Variants in NLGN4X observed in about 807,000 individuals in gnomAD.
NLGN4X encodes the protein neuroligin 4 X-linked.
In NLGN4X, 3 loss-of-function variants were observed where a neutral mutation model predicts 40.3. That is an observed-to-expected ratio of 0.07 (90% CI 0.03 to 0.19). The LOEUF is 0.19. Among genes scored for constraint, NLGN4X ranks in the 10% least tolerant of loss-of-function variants. The pLI, the probability that NLGN4X is intolerant of heterozygous loss-of-function variation, is 1.00. For synonymous variants in NLGN4X, 270 were observed against 306.8 expected (o/e 0.88, Z 1.25); for missense variants, 382 against 708.3 (o/e 0.54, Z 5.23).
chrX:6,181,880 G>A (rs752559392), intron 1 of NLGN4X, among the ~76,000 whole-genome samples: 3 of 112,042 alleles, frequency 2.7e-5, no homozygotes, highest in South Asian at 7.5e-4. Context: ...TGGTAGGGAA[G>A]TAAGGCATTG....
intron 1 of NLGN4X, among the ~76,000 whole-genome samples, chrX:6,206,987 T>C (rs1924090825): frequency 9.0e-6 from 1 of 111,083 alleles, no homozygotes; most frequent in Non-Finnish European, 1.9e-5. Context: ...CACTAAAATG[T>C]CAAGCCTGGA....
intron 2 of NLGN4X, among the ~76,000 whole-genome samples, chrX:6,050,723 CCTTT>C (rs1034674100): frequency 9.0e-6 from 1 of 111,146 alleles, no homozygotes; most frequent in Non-Finnish European, 1.9e-5. Flanking sequence ...CATCTATCTA[CCTTT>C]CTATCTATCC....
chrX:5,988,470 G>A (rs1324879895), intron 3 of NLGN4X, among the ~76,000 whole-genome samples: 1 of 111,976 alleles, frequency 8.9e-6, no homozygotes, highest in Admixed American at 9.5e-5. Context: ...ATTGGCGGGT[G>A]GGAATGTTCT....
chrX:6,057,403 A>C (rs1359760682), intron 2 of NLGN4X, among the ~76,000 whole-genome samples: 1 of 112,182 alleles, frequency 8.9e-6, no homozygotes, highest in African/African-American at 3.2e-5. Context: ...ACACCAAGGC[A>C]GAGATGACCA....
At chrX:5,896,183 G>A (rs186027390) in intron 5 of NLGN4X, among the ~76,000 whole-genome samples, 6 of 111,707 alleles carry the variant, frequency 5.4e-5, no homozygotes, top group East Asian at 5.6e-4. Context: ...GGCTATTTTC[G>A]AAGGAACTCA....
intron 1 of NLGN4X, among the ~76,000 whole-genome samples, chrX:6,196,626 A>T (rs1299474675): frequency 9.4e-6 from 1 of 106,340 alleles, no homozygotes; most frequent in Non-Finnish European, 1.9e-5. Context: ...CCCTGAAAAG[A>T]ACTCTGTTCA....
chrX:6,152,599 G>C (rs1241621453), intron 1 of NLGN4X, among the ~76,000 whole-genome samples: 1 of 112,018 alleles, frequency 8.9e-6, no homozygotes, highest in East Asian at 2.8e-4. Context: ...ATCATCAAAT[G>C]AAAAGAGTGT....
chrX:6,194,451 C>T (rs1490845017), intron 1 of NLGN4X, among the ~76,000 whole-genome samples: 2 of 111,261 alleles, frequency 1.8e-5, no homozygotes, highest in Admixed American at 9.6e-5. Context: ...CAGAGTACCA[C>T]GTGGCCTTTC....
chrX:6,068,766 G>A (rs2037985879), intron 2 of NLGN4X, among the ~76,000 whole-genome samples: 1 of 111,161 alleles, frequency 9.0e-6, no homozygotes, highest in East Asian at 2.9e-4. Context: ...ATTTCATTGA[G>A]CTAAGATCCA....
intron 1 of NLGN4X, among the ~76,000 whole-genome samples, chrX:6,225,809 C>G (rs1268504558): frequency 1.1e-5 from 1 of 93,121 alleles, no homozygotes; most frequent in African/African-American, 4.1e-5. Context: ...TATAATGCAA[C>G]GCGCTCCGAT....
chrX:5,986,439 T>A (rs1215190047), intron 3 of NLGN4X, among the ~76,000 whole-genome samples: 2 of 109,331 alleles, frequency 1.8e-5, no homozygotes, highest in Admixed American at 9.6e-5. Context: ...GGTTTCAATA[T>A]GAAAGATAAA....
At chrX:6,073,486 C>T (rs1199431385) in intron 2 of NLGN4X, among the ~76,000 whole-genome samples, 1 of 111,893 alleles carries the variant, frequency 8.9e-6, no homozygotes, top group Admixed American at 9.5e-5. Context: ...CCATCCTTGG[C>T]AAATAAGTGT....
chrX:6,140,186 A>T (rs1250004899), intron 2 of NLGN4X, among the ~76,000 whole-genome samples: 1 of 111,592 alleles, frequency 9.0e-6, no homozygotes, highest in Admixed American at 9.6e-5. Flanking sequence ...TTTGCCTGAG[A>T]TAAATCAGTA....
At chrX:5,955,277 C>T (rs1456962668) in intron 3 of NLGN4X, among the ~76,000 whole-genome samples, 1 of 111,913 alleles carries the variant, frequency 8.9e-6, no homozygotes, top group Admixed American at 9.6e-5. Flanking sequence ...CTGGCTTTAG[C>T]TGCAGTAGCT....
chrX:5,987,312 A>G (rs1014237535), intron 3 of NLGN4X, among the ~76,000 whole-genome samples: 1 of 112,779 alleles, frequency 8.9e-6, no homozygotes, highest in African/African-American at 3.2e-5. Flanking sequence ...TTGGGAAAAT[A>G]TAAAGAAAAG....
intron 3 of NLGN4X, among the ~76,000 whole-genome samples, chrX:5,926,902 A>G (rs1021352904): frequency 9.4e-6 from 1 of 106,889 alleles, no homozygotes; most frequent in African/African-American, 3.4e-5. Context: ...TCTAGAGACT[A>G]TATCTCTATA....
intron 5 of NLGN4X, among the ~76,000 whole-genome samples, chrX:5,902,339 C>T (rs2031916786): frequency 9.0e-6 from 1 of 110,528 alleles, no homozygotes; most frequent in East Asian, 2.8e-4. Context: ...GCCTGGGCAA[C>T]ATAGCAAACC....
chrX:6,071,474 G>A, intron 2 of NLGN4X, among the ~76,000 whole-genome samples: 1 of 111,432 alleles, frequency 9.0e-6, no homozygotes, highest in Non-Finnish European at 1.9e-5. Flanking sequence ...AGAAAAGATT[G>A]TCCAATATGA....
At chrX:5,990,414 G>T (rs1412050653) in intron 3 of NLGN4X, among the ~76,000 whole-genome samples, 1 of 110,775 alleles carries the variant, frequency 9.0e-6, no homozygotes, top group Non-Finnish European at 1.9e-5. Flanking sequence ...CACCCTGGGC[G>T]GGAGGCTGCA....
Sources: gnomAD v4.1 joint callset for allele counts (sites outside exome capture counted in the v4.1 genomes callset) on GRCh38, gnomAD v4.1.1 for gene constraint, MANE v1.5 for transcripts, NCBI Gene and HGNC (gene_info 2026-07-23, HGNC 2026-07-21) for gene names.